The following CERS6 variants were observed in gnomAD, a reference collection of about 807,000 sequenced individuals.
CERS6 encodes LAG1 homolog, ceramide synthase 6.
In CERS6, 26 loss-of-function variants were observed where a neutral mutation model predicts 56.8. The ratio of observed to expected loss-of-function variants is 0.46; its 90% confidence interval spans 0.34 to 0.63. The LOEUF is 0.63. Among genes scored for constraint, CERS6 ranks in the 30% least tolerant of loss-of-function variants. The pLI is 0.01. For missense variants in CERS6, 415 were observed against 467.5 expected (o/e 0.89, Z 1.04); for synonymous variants, 164 against 173.3 (o/e 0.95, Z 0.42).
At chr2:168,603,042 A>G (rs574483290) in intron 3 of CERS6, among the ~76,000 whole-genome samples, 4 of 152,356 alleles carry the variant, frequency 2.6e-5, no homozygotes, top group Non-Finnish European at 5.9e-5. Context: ...GCCTGTAACA[A>G]TGATCTTTCA....
intron 4 of CERS6, among the ~76,000 whole-genome samples, chr2:168,682,424 A>C (rs997696627): frequency 1.3e-5 from 2 of 152,236 alleles, no homozygotes; most frequent in African/African-American, 4.8e-5. Flanking sequence ...ATATATATCT[A>C]CTTTAAACGT....
At chr2:168,685,908 A>T (rs1327059478) in intron 4 of CERS6, among the ~76,000 whole-genome samples, 1 of 151,682 alleles carries the variant, frequency 6.6e-6, no homozygotes, top group Non-Finnish European at 1.5e-5. Context: ...AGAGAGTTAG[A>T]GGTAATTTCT....
At chr2:168,680,154 G>A (rs1686175109) in intron 4 of CERS6, among the ~76,000 whole-genome samples, 1 of 152,146 alleles carries the variant, frequency 6.6e-6, no homozygotes, top group African/African-American at 2.4e-5. Context: ...AAAGACAGAG[G>A]GGTCTGAGTA....
intron 9 of CERS6, chr2:168,766,288 CTTGT>C: frequency 6.3e-7 from 1 of 1,594,200 alleles, no homozygotes; most frequent in Non-Finnish European, 8.5e-7. Context: ...CATTTTCTTA[CTTGT>C]TTGTTCTCTT....
intron 4 of CERS6, among the ~76,000 whole-genome samples, chr2:168,637,354 C>T (rs77204456): frequency 0.017 from 2,624 of 152,156 alleles, 101 homozygotes; most frequent in East Asian, 0.16. Flanking sequence ...TGGTGGCACA[C>T]GCCTATAGTC....
In CERS6 at chr2:168,569,542, C is replaced by G. The variant is rs542006427; in HGVS notation, c.407+8220C>G. Among the ~76,000 whole-genome samples the G allele has an allele frequency of 7.9e-5, 12 of 152,338 alleles. No individual in the cohort carries two copies. The East Asian group carries it at 1.2e-3, about 15-fold the overall frequency. Reference sequence around the variant, plus strand: ...GAATGTGTGTGTGCGCGTGCACACGCGTGTGTGCATATATACTCCTAGGCC... The same window carrying G: ...GAATGTGTGTGTGCGCGTGCACACGGGTGTGTGCATATATACTCCTAGGCC... On this transcript the variant is annotated intron_variant, in intron 3 of 9. Transcript: ENST00000305747.
In CERS6 at chr2:168,607,759, G is replaced by T. The variant is rs373624510; in HGVS notation, c.408-23226G>T. On this transcript the variant is annotated intron_variant, in intron 3 of 9. Coordinates refer to ENST00000305747, the MANE Select transcript of CERS6 (RefSeq NM_203463.3). Reference sequence around the variant, plus strand: ...TTAATAAAGAAAGTATAAAAGGTTTGCTGCAAAATTTTAAATCAATCAGTA... The same window carrying T: ...TTAATAAAGAAAGTATAAAAGGTTTTCTGCAAAATTTTAAATCAATCAGTA... 3.3e-5 allele frequency among the ~76,000 whole-genome samples: 5 copies of T among 151,998 alleles called. No individual in the cohort carries two copies. The East Asian group carries it at 5.8e-4, about 18-fold the overall frequency.
intron 4 of CERS6, chr2:168,644,421 G>A (rs1685124102): frequency 6.6e-6 from 6 of 905,634 alleles, no homozygotes; most frequent in Non-Finnish European, 7.9e-6. Context: ...ATGAACAAAG[G>A]TGGGGTCAAG....
chr2:168,665,949 A>T (rs1685747107), intron 4 of CERS6, among the ~76,000 whole-genome samples: 1 of 96,826 alleles, frequency 1.0e-5, no homozygotes, highest in Admixed American at 1.4e-4. Context: ...AAAAATTAGT[A>T]GACTGTGTGT....
intron 4 of CERS6, among the ~76,000 whole-genome samples, chr2:168,652,721 G>A (rs1685376058): frequency 6.6e-6 from 1 of 151,742 alleles, no homozygotes; most frequent in African/African-American, 2.4e-5. Flanking sequence ...TTACTACATA[G>A]TAACAACAAA....
chr2:168,711,202 T>A (rs1025080734), intron 6 of CERS6, among the ~76,000 whole-genome samples: 6 of 152,224 alleles, frequency 3.9e-5, no homozygotes, highest in Non-Finnish European at 8.8e-5. Context: ...GTAGACAGAA[T>A]CACTTAAGCA....
At chr2:168,745,260 T>TTG (rs11448246) in intron 8 of CERS6, among the ~76,000 whole-genome samples, 2 of 151,882 alleles carry the variant, frequency 1.3e-5, no homozygotes, top group Admixed American at 1.3e-4. Context: ...TTTTTTTTTT[T>TTG]AGACGGAGTC....
chr2:168,505,456 A>G (rs940845041), intron 1 of CERS6, among the ~76,000 whole-genome samples: 2 of 151,912 alleles, frequency 1.3e-5, no homozygotes. Flanking sequence ...TCCCTATCAG[A>G]TAGATAGAAG....
At chr2:168,586,408 A>G (rs562841933) in intron 3 of CERS6, among the ~76,000 whole-genome samples, 3 of 152,016 alleles carry the variant, frequency 2.0e-5, no homozygotes, top group African/African-American at 7.2e-5. Context: ...AAGCCATGTT[A>G]TTTTCAGTGG....
At chr2:168,749,900 G>A (rs1157557632) in intron 8 of CERS6, among the ~76,000 whole-genome samples, 1 of 152,244 alleles carries the variant, frequency 6.6e-6, no homozygotes, top group Non-Finnish European at 1.5e-5. Flanking sequence ...CCACTAGGCA[G>A]AGAGTAGCAG....
chr2:168,640,824 G>A (rs1371921983), intron 4 of CERS6, among the ~76,000 whole-genome samples: 1 of 152,166 alleles, frequency 6.6e-6, no homozygotes, highest in Non-Finnish European at 1.5e-5. Context: ...AAAGATACCT[G>A]GTGTTTGTGT....
At chr2:168,657,328 T>C in intron 4 of CERS6, among the ~76,000 whole-genome samples, 1 of 152,244 alleles carries the variant, frequency 6.6e-6, no homozygotes, top group East Asian at 1.9e-4. Flanking sequence ...GAGCTAGATA[T>C]AAAGACTCTC....
At position 168,471,991 on chromosome 2, in the gene CERS6, T is replaced by G. The variant is rs148372270; in HGVS notation, c.170+15373T>G. ...AGAGGGAGAGATGTAGATGAGAGTG[T>G]GAGTGCAGACGCTGATTGACCCATG... On this transcript the variant is annotated intron_variant, in intron 1 of 9. Coordinates refer to ENST00000305747, the MANE Select transcript of CERS6 (RefSeq NM_203463.3). Among the ~76,000 whole-genome samples the G allele has an allele frequency of 5.9e-3, 903 of 152,260 alleles. 8 individuals are homozygous for G. Among genetic ancestry groups the G allele is most frequent in the African/African-American group, 0.02 (811 of 41,566 alleles).
At chr2:168,490,626 C>T (rs1694352825) in intron 1 of CERS6, among the ~76,000 whole-genome samples, 1 of 152,148 alleles carries the variant, frequency 6.6e-6, no homozygotes, top group African/African-American at 2.4e-5. Context: ...TATGACTTTT[C>T]TCACTCAGGT....
Sources: allele counts gnomAD v4.1 joint callset (sites outside exome capture counted in the v4.1 genomes callset), GRCh38; gene constraint gnomAD v4.1.1; transcripts MANE v1.5; gene names NCBI Gene and HGNC (gene_info 2026-07-23, HGNC 2026-07-21).